The following ASB18 variants were observed in gnomAD, a reference collection of about 807,000 sequenced individuals.
ASB18 encodes ankyrin repeat and SOCS box protein 18.
A neutral mutation model predicts 33.4 loss-of-function variants in ASB18; 33 were observed. That is an observed-to-expected ratio of 0.99 (90% CI 0.75 to 1.32). The LOEUF (loss-of-function observed/expected upper bound fraction) is 1.32, where lower values mean the gene tolerates loss of function less well. Among genes scored for constraint, ASB18 ranks in the 40% most tolerant of loss-of-function variants. ASB18 has a pLI of 0.00. For synonymous variants in ASB18, 295 were observed against 307.6 expected, an observed-to-expected ratio of 0.96 and a Z score of 0.43; for missense variants, 694 against 655.5, an observed-to-expected ratio of 1.06 and a Z score of -0.64.
chr2:236,248,275 A>G lies in ASB18; in HGVS notation c.206-6873T>C, dbSNP rs2060653340. 6.6e-6 allele frequency: 1 copy of G among 152,344 alleles called. No individual in the cohort carries two copies. The highest frequency in any genetic ancestry group is 6.5e-5 in the Admixed American group (1 of 15,310). 9.4% of individuals were successfully genotyped at this position (152,344 alleles called of 1,614,324 possible). A position where few individuals can be genotyped will look rare whatever the true frequency, so the allele number is the denominator to read the frequency against. Reference sequence around the variant, plus strand: ...TTCAGGCATAATGGGTTGGAGGTGCAGCCTGGGCAACAGGACTGTTAAAAA... The same window carrying G: ...TTCAGGCATAATGGGTTGGAGGTGCGGCCTGGGCAACAGGACTGTTAAAAA... On this transcript the variant is annotated intron_variant, in intron 1 of 5. Transcript: ENST00000409749. This position sits in a 1 kb window ranked among gnomAD's most constrained non-coding sequence, Gnocchi z 4.9.
Position 236,237,675 on chromosome 2 carries a change from C to T in ASB18, c.596+14G>A, listed in dbSNP as rs2060601025. ...GGCGGGGCGGACGCCGCGGGCCTGT[C>T]CCGAGGTCCTTACCCGAGCGAGGCG... On this transcript the variant is annotated intron_variant, in intron 3 of 5. Coordinates refer to ENST00000409749, the MANE Select transcript of ASB18 (RefSeq NM_212556.4). The surrounding 1 kb of genome is among the most constrained non-coding windows in gnomAD (Gnocchi z 6.2). 2 of 1,427,854 alleles carry T rather than the reference C, an allele frequency of 1.4e-6. No homozygotes were observed. Among genetic ancestry groups the T allele is most frequent in the Non-Finnish European group, 1.8e-6 (2 of 1,097,286 alleles). The allele number at this position is 1,427,854 out of a possible 1,614,324, so 88.4% of individuals were successfully genotyped here.
intron 3 of ASB18, among the ~76,000 whole-genome samples, chr2:236,233,392 C>G (rs983296442): frequency 6.6e-6 from 1 of 151,998 alleles, no homozygotes; most frequent in East Asian, 1.9e-4. Context: ...ATTATCTGCT[C>G]TCACCACTTT....
At chr2:236,227,600 T>G (rs1355048696) in intron 3 of ASB18, among the ~76,000 whole-genome samples, 2 of 152,226 alleles carry the variant, frequency 1.3e-5, no homozygotes, top group Non-Finnish European at 2.9e-5. Context: ...GGGCCTCAAA[T>G]GTGGTAAAAT....
In ASB18 at chr2:236,231,650, C is replaced by T. The variant is rs2060565873; in HGVS notation, c.596+6039G>A. Among the ~76,000 whole-genome samples the T allele has an allele frequency of 6.6e-6, 1 of 152,190 alleles. No individual in the cohort carries two copies. The highest frequency in any genetic ancestry group is 2.4e-5 in the African/African-American group (1 of 41,446). ...AAGCGTTCTCGCTATGTTGCTCAGGCTGGTCTCAAACTCCTGGCCTCAAGC... is the reference window on the plus strand; with the variant it reads ...AAGCGTTCTCGCTATGTTGCTCAGGTTGGTCTCAAACTCCTGGCCTCAAGC... On this transcript the variant is annotated intron_variant, in intron 3 of 5. Transcript: ENST00000409749. This position sits in a 1 kb window ranked among gnomAD's most constrained non-coding sequence, Gnocchi z 5.5.
intron 3 of ASB18, among the ~76,000 whole-genome samples, chr2:236,224,446 C>G (rs1309050616): frequency 6.6e-6 from 1 of 151,912 alleles, no homozygotes; most frequent in Non-Finnish European, 1.5e-5. Flanking sequence ...GAAGAATGTA[C>G]CTGGGATGCC....
rs1287104842 is a variant in ASB18, at chr2:236,202,810, T to C, written c.1102-6425A>G. Among the ~76,000 whole-genome samples, 4 of 117,566 alleles carry C rather than the reference T, an allele frequency of 3.4e-5. 1 individual carries two copies. The highest frequency in any genetic ancestry group is 3.1e-4 in the South Asian group (1 of 3,260). The allele number at this position is 117,566 out of a possible 152,430, so 77.1% of individuals were successfully genotyped here. ...AAAAAAAAAAATATATATATATATA[T>C]ATATACACACACCTATAGTTCTCTA... is the stretch of plus-strand genomic sequence containing the variant. On this transcript the variant is annotated intron_variant, in intron 4 of 5. Coordinates refer to ENST00000409749, the MANE Select transcript of ASB18 (RefSeq NM_212556.4).
At position 236,251,469 on chromosome 2, in the gene ASB18, G is replaced by T. The variant is rs750887049; in HGVS notation, c.206-10067C>A. ...CGTGTTCAGACTGATTGTTTTTTAT[G>T]AATCTCACACAGGGAGCAAAATACT... is the stretch of plus-strand genomic sequence containing the variant. On this transcript the variant is annotated intron_variant, in intron 1 of 5. Coordinates refer to ENST00000409749, the MANE Select transcript of ASB18 (RefSeq NM_212556.4). The surrounding 1 kb of genome is among the most constrained non-coding windows in gnomAD (Gnocchi z 5.3). Among the ~76,000 whole-genome samples the T allele has an allele frequency of 5.3e-5, 8 of 152,170 alleles. No homozygotes were observed. Among genetic ancestry groups the T allele is most frequent in the Non-Finnish European group, 1.2e-4 (8 of 68,034 alleles).
intron 4 of ASB18, among the ~76,000 whole-genome samples, chr2:236,199,972 T>C (rs2060392480): frequency 1.3e-5 from 2 of 152,220 alleles, no homozygotes; most frequent in South Asian, 4.1e-4. Flanking sequence ...GTCCATTTTG[T>C]TAATCTATAT....
intron 4 of ASB18, among the ~76,000 whole-genome samples, chr2:236,201,177 G>C (rs2060399826): frequency 2.0e-5 from 3 of 151,152 alleles, no homozygotes; most frequent in South Asian, 2.1e-4. Context: ...TTTGAGACAG[G>C]GTCTTGCTCT....
In ASB18 at chr2:236,195,310, C is replaced by T. The variant is rs188881841; in HGVS notation, c.1216-253G>A. 6.6e-6 allele frequency among the ~76,000 whole-genome samples: 1 copy of T among 152,268 alleles called. No individual in the cohort carries two copies. Among genetic ancestry groups the T allele is most frequent in the East Asian group, 1.9e-4 (1 of 5,168 alleles). Reference sequence around the variant, plus strand: ...GGTGACTTCAGATGCTCCAGGTGGTCTCCCCGAATTCCGTTTTGCTCCATC... The same window carrying T: ...GGTGACTTCAGATGCTCCAGGTGGTTTCCCCGAATTCCGTTTTGCTCCATC... On this transcript the variant is annotated intron_variant, in intron 5 of 5. Transcript: ENST00000409749. The surrounding 1 kb of genome is among the most constrained non-coding windows in gnomAD (Gnocchi z 5.5).
At chr2:236,197,863 G>C (rs2060381693) in intron 4 of ASB18, among the ~76,000 whole-genome samples, 1 of 151,396 alleles carries the variant, frequency 6.6e-6, no homozygotes, top group South Asian at 2.1e-4. Flanking sequence ...ATTCGATTTT[G>C]GAGAGGGGCA....
intron 1 of ASB18, among the ~76,000 whole-genome samples, chr2:236,261,565 C>A (rs147961791): frequency 2.6e-5 from 4 of 152,210 alleles, no homozygotes; most frequent in Admixed American, 2.6e-4. Flanking sequence ...AGCATACCAT[C>A]GTCCTGAATT....
At position 236,256,297 on chromosome 2, in the gene ASB18, G is replaced by A. The variant is rs1305814091; in HGVS notation, c.205+7844C>T. Among the ~76,000 whole-genome samples the A allele has an allele frequency of 6.6e-6, 1 of 152,092 alleles. No individual in the cohort carries two copies. Among genetic ancestry groups the A allele is most frequent in the Non-Finnish European group, 1.5e-5 (1 of 68,010 alleles). ...CCACCTTAGCCTCCCAAAGTGCTGG[G>A]GTTACAGGCATGAACCACCATGCCC... On this transcript the variant is annotated intron_variant, in intron 1 of 5. Transcript: ENST00000409749. The surrounding 1 kb of genome is among the most constrained non-coding windows in gnomAD (Gnocchi z 4.7).
In ASB18 at chr2:236,241,452, T is replaced by C. The variant is rs746042785; in HGVS notation, c.206-50A>G. ...CCTGCACCGGGGACCCTGCTCTAGC[T>C]TGAGGATCCTTCTCTGTCTTTTGAA... On this transcript the variant is annotated intron_variant, in intron 1 of 5. Transcript: ENST00000409749. The surrounding 1 kb of genome is among the most constrained non-coding windows in gnomAD (Gnocchi z 4.2). 2.4e-5 allele frequency: 39 copies of C among 1,610,438 alleles called. No individual in the cohort carries two copies. The highest frequency in any genetic ancestry group is 2.5e-6 in the Non-Finnish European group (3 of 1,177,386).
rs574804687 is a variant in ASB18 at position 236,213,169 on chromosome 2, G to A, written c.1101+1193C>T. 1.5e-4 allele frequency among the ~76,000 whole-genome samples: 23 copies of A among 150,124 alleles called. No individual in the cohort carries two copies. The highest frequency in any genetic ancestry group is 5.1e-4 in the African/African-American group (21 of 41,124). ...AGGAGTCCACTATATTGAAATCATT[G>A]CCTTAGTGGAGCACCACAAGACAAT... On this transcript the variant is annotated intron_variant, in intron 4 of 5. Coordinates refer to ENST00000409749, the MANE Select transcript of ASB18 (RefSeq NM_212556.4). The surrounding 1 kb of genome is among the most constrained non-coding windows in gnomAD (Gnocchi z 4.8).
In ASB18 at chr2:236,223,105, T is replaced by TC. The variant is rs1399528010; in HGVS notation, c.597-8240_597-8239insG. 1.3e-5 allele frequency among the ~76,000 whole-genome samples: 2 copies of TC among 152,192 alleles called. No individual in the cohort carries two copies. The highest frequency in any genetic ancestry group is 2.9e-5 in the Non-Finnish European group (2 of 68,032). On this transcript the variant is annotated intron_variant, in intron 3 of 5. Coordinates refer to ENST00000409749, the MANE Select transcript of ASB18 (RefSeq NM_212556.4). The surrounding 1 kb of genome is among the most constrained non-coding windows in gnomAD (Gnocchi z 4.6). ...CTTGCTGTTTGCCTTCTGCCATGAG[T>TC]AAAAAGCTTCCTGAGGCCTCCCCAG...
intron 4 of ASB18, among the ~76,000 whole-genome samples, chr2:236,199,411 CAAAAA>C (rs368012989): frequency 5.3e-5 from 6 of 113,158 alleles, no homozygotes; most frequent in Non-Finnish European, 1.2e-4. Context: ...GACTCTGTTT[CAAAAA>C]AAAAAAAAAA....
rs776988030 is a variant in ASB18 at position 236,213,463 on chromosome 2, T to C, written c.1101+899A>G. ...CAGGCCAAAATATGTCTTATGTCTA[T>C]GAGTGATGAGTCTTGGTTGATGGAG... On this transcript the variant is annotated intron_variant, in intron 4 of 5. Transcript: ENST00000409749. This position sits in a 1 kb window ranked among gnomAD's most constrained non-coding sequence, Gnocchi z 4.8. Among the ~76,000 whole-genome samples, 1 of 152,212 alleles carries C rather than the reference T, an allele frequency of 6.6e-6. No homozygotes were observed. Among genetic ancestry groups the C allele is most frequent in the Non-Finnish European group, 1.5e-5 (1 of 68,042 alleles).
rs768626515 is a variant in ASB18 at position 236,241,480 on chromosome 2, A to G, written c.206-78T>C. 1 of 1,576,042 alleles carries G rather than the reference A, an allele frequency of 6.3e-7. No individual in the cohort carries two copies. Among genetic ancestry groups the G allele is most frequent in the Non-Finnish European group, 8.7e-7 (1 of 1,151,816 alleles). On this transcript the variant is annotated intron_variant, in intron 1 of 5. Coordinates refer to ENST00000409749, the MANE Select transcript of ASB18 (RefSeq NM_212556.4). This position sits in a 1 kb window ranked among gnomAD's most constrained non-coding sequence, Gnocchi z 4.2. ...AGGATCCTTCTCTGTCTTTTGAAAT[A>G]TTTGAAGTTTTCCTCTCACTGGCCC...
Sources: allele counts gnomAD v4.1 joint callset (sites outside exome capture counted in the v4.1 genomes callset), GRCh38; gene constraint gnomAD v4.1.1; non-coding constraint Gnocchi (gnomAD v3.1); transcripts MANE v1.5; gene names NCBI Gene and HGNC (gene_info 2026-07-23, HGNC 2026-07-21).